The following AGPAT3 variants were observed in gnomAD, a reference collection of about 807,000 sequenced individuals.
AGPAT3 encodes the protein 1-acylglycerol-3-phosphate O-acyltransferase 3.
A neutral mutation model predicts 47.3 loss-of-function variants in AGPAT3; 5 were observed. The ratio of observed to expected loss-of-function variants is 0.11; its 90% CI spans 0.06 to 0.22. The LOEUF is 0.22. Among genes scored for constraint, AGPAT3 ranks in the 10% least tolerant of loss-of-function variants. The pLI, the probability that AGPAT3 is intolerant of heterozygous loss-of-function variation, is 1.00. For missense variants in AGPAT3, 315 were observed against 493.0 expected (o/e 0.64, Z 3.42); for synonymous variants, 212 against 208.3 (o/e 1.02, Z -0.15).
chr21:43,978,129 G>T lies in AGPAT3; in HGVS notation c.843+8G>T, dbSNP rs1442830580. ...AAACTGTACCAGGAGAAGGTAAGCA[G>T]GCTCTGCTCCCGCTCAGGGTCCCGG... On this transcript the variant is annotated splice_region_variant and intron_variant, in intron 8 of 9. Transcript: ENST00000291572. 6.2e-7 allele frequency: 1 copy of T among 1,612,368 alleles called. No individual in the cohort carries two copies. Among genetic ancestry groups the T allele is most frequent in the Non-Finnish European group, 8.5e-7 (1 of 1,179,580 alleles).
intron 1 of AGPAT3, among the ~76,000 whole-genome samples, chr21:43,895,034 T>C (rs191490509): frequency 6.6e-6 from 1 of 152,138 alleles, no homozygotes; most frequent in Non-Finnish European, 1.5e-5. Context: ...TTGTTACTTC[T>C]TCTAAATTTG....
intron 2 of AGPAT3, among the ~76,000 whole-genome samples, chr21:43,926,170 A>C (rs2087046441): frequency 6.6e-6 from 1 of 152,230 alleles, no homozygotes; most frequent in Non-Finnish European, 1.5e-5. Flanking sequence ...GGTCAGCACC[A>C]GGGTACAGGT....
At chr21:43,945,757 T>C (rs1253754592) in intron 2 of AGPAT3, among the ~76,000 whole-genome samples, 3 of 152,260 alleles carry the variant, frequency 2.0e-5, no homozygotes, top group Admixed American at 2.0e-4. Flanking sequence ...AGGGTGCCTG[T>C]AGAATGACAG....
rs1392649024 is a variant in AGPAT3, at chr21:43,908,678, G to C, written c.-49+4659G>C. Among the ~76,000 whole-genome samples, 2 of 152,208 alleles carry C rather than the reference G, an allele frequency of 1.3e-5. No homozygotes were observed. Among genetic ancestry groups the C allele is most frequent in the Non-Finnish European group, 2.9e-5 (2 of 68,036 alleles). On this transcript the variant is annotated intron_variant, in intron 2 of 9. Transcript: ENST00000291572. This position sits in a 1 kb window ranked among gnomAD's most constrained non-coding sequence, Gnocchi z 4.9. Reference sequence around the variant, plus strand: ...TTCAGGGGACTGTGAAATGCCAGCAGCTTCTAAAACCTTTGGGTTCTTTAA... The same window carrying C: ...TTCAGGGGACTGTGAAATGCCAGCACCTTCTAAAACCTTTGGGTTCTTTAA...
chr21:43,951,454 G>A (rs1301716520), intron 2 of AGPAT3, among the ~76,000 whole-genome samples: 2 of 152,174 alleles, frequency 1.3e-5, no homozygotes, highest in Non-Finnish European at 2.9e-5. Flanking sequence ...GGCGGCTTGG[G>A]CAGGGCAAAG....
At chr21:43,969,914 G>C (rs1421057520) in intron 5 of AGPAT3, among the ~76,000 whole-genome samples, 1 of 152,036 alleles carries the variant, frequency 6.6e-6, no homozygotes, top group Non-Finnish European at 1.5e-5. Context: ...GGCCAGGCTG[G>C]TCTCAAACTC....
chr21:43,946,754 T>A (rs993050014), intron 2 of AGPAT3, among the ~76,000 whole-genome samples: 4 of 152,198 alleles, frequency 2.6e-5, no homozygotes, highest in Non-Finnish European at 4.4e-5. Flanking sequence ...CTGTGACTGT[T>A]TTATGTGTGC....
chr21:43,962,437 C>T (rs975911508), intron 3 of AGPAT3, among the ~76,000 whole-genome samples: 1 of 152,078 alleles, frequency 6.6e-6, no homozygotes, highest in African/African-American at 2.4e-5. Context: ...ACAAAAAGGG[C>T]AAATATTAAC....
intron 5 of AGPAT3, 21 bp downstream of exon 5, chr21:43,969,300 G>C (rs753836895): frequency 2.5e-6 from 4 of 1,612,732 alleles, no homozygotes; most frequent in Non-Finnish European, 3.4e-6. Context: ...GGAGCAGCCC[G>C]ATACCCTGCA....
intron 8 of AGPAT3, among the ~76,000 whole-genome samples, chr21:43,980,270 C>A: frequency 7.6e-6 from 1 of 130,968 alleles, no homozygotes. Context: ...AGTGAGACTC[C>A]ATCTCAAAAA....
At chr21:43,938,031 C>T (rs975460921) in intron 2 of AGPAT3, among the ~76,000 whole-genome samples, 3 of 152,096 alleles carry the variant, frequency 2.0e-5, no homozygotes, top group Non-Finnish European at 4.4e-5. Flanking sequence ...GGAAGCAGCT[C>T]ACACGCTTGC....
At chr21:43,919,932 A>G (rs2086849181) in intron 2 of AGPAT3, 1 of 152,188 alleles carries the variant, frequency 6.6e-6, no homozygotes, top group South Asian at 2.1e-4. Context: ...CAAATAGTGT[A>G]AAGATCTTGG....
intron 1 of AGPAT3, among the ~76,000 whole-genome samples, chr21:43,873,327 G>A (rs999263021): frequency 6.6e-6 from 1 of 152,226 alleles, no homozygotes; most frequent in Non-Finnish European, 1.5e-5. Context: ...ATAACGCTGG[G>A]TGGAAGGAGT....
intron 2 of AGPAT3, among the ~76,000 whole-genome samples, chr21:43,928,059 G>A (rs1029686955): frequency 6.6e-5 from 10 of 152,232 alleles, no homozygotes; most frequent in African/African-American, 1.9e-4. Context: ...CTGCTGCCCC[G>A]TGCCCTGGGA....
chr21:43,982,374 G>A lies in AGPAT3; in HGVS notation c.1113G>A (p.Glu371=), dbSNP rs1379169100. ...AAGGCTCCAGCTACGGAAACCAAGA[G>A]TTTAAGAAAAAGGAATAATTAATGG... ...IEKGSSYGNQ[E]FKKKE Residue 371 remains glutamate (E), a synonymous_variant, in exon 10 of 10, where the codon GAG becomes GAA. Transcript: ENST00000291572. This position sits in a 1 kb window ranked among gnomAD's most constrained non-coding sequence, Gnocchi z 6.2. The A allele has an allele frequency of 6.2e-7, 1 of 1,613,478 alleles. No homozygotes were observed. The highest frequency in any genetic ancestry group is 2.2e-5 in the East Asian group (1 of 44,886).
intron 3 of AGPAT3, chr21:43,967,720 G>A (rs766655290): frequency 1.3e-4 from 67 of 527,246 alleles, no homozygotes; most frequent in East Asian, 1.3e-4. Context: ...GCAGAGTGGC[G>A]GTTCTCTCCC....
rs2088373410 is a variant in AGPAT3, at chr21:43,954,997, G to A, written c.-48-4637G>A. The stretch of plus-strand genomic sequence containing the variant: ...CGGTTGATAAAGTGGATTCTCGAGG[G>A]GAAGCTGCATCCACACAGAGGCTGG... On this transcript the variant is annotated intron_variant, in intron 2 of 9. Coordinates refer to ENST00000291572, the MANE Select transcript of AGPAT3 (RefSeq NM_020132.5). The surrounding 1 kb of genome is among the most constrained non-coding windows in gnomAD (Gnocchi z 4.0). 8.9e-7 allele frequency: 1 copy of A among 1,120,496 alleles called. No homozygotes were observed. The highest frequency in any genetic ancestry group is 1.1e-6 in the Non-Finnish European group (1 of 895,834). The allele number at this position is 1,120,496 out of a possible 1,614,324, so 69.4% of individuals were successfully genotyped here.
chr21:43,951,604 C>T (rs993189848), intron 2 of AGPAT3, among the ~76,000 whole-genome samples: 6 of 152,168 alleles, frequency 3.9e-5, no homozygotes, highest in African/African-American at 7.2e-5. Flanking sequence ...CAGAGCAGGA[C>T]GCCAGCTGGG....
chr21:43,951,231 G>T (rs1012653285), intron 2 of AGPAT3, among the ~76,000 whole-genome samples: 1 of 152,204 alleles, frequency 6.6e-6, no homozygotes, highest in Non-Finnish European at 1.5e-5. Flanking sequence ...AGAAGAGGAA[G>T]GGGGGAAGGA....
Sources: gnomAD v4.1 joint callset for allele counts (sites outside exome capture counted in the v4.1 genomes callset) on GRCh38, gnomAD v4.1.1 for gene constraint, Gnocchi (gnomAD v3.1) non-coding constraint, MANE v1.5 for transcripts, NCBI Gene and HGNC (gene_info 2026-07-23, HGNC 2026-07-21) for gene names.